Variants in FAM149A observed in about 807,000 individuals in gnomAD.
FAM149A encodes protein FAM149A.
FAM149A carries 71 observed loss-of-function variants against 78.2 expected under a neutral mutation model. The ratio of observed to expected loss-of-function variants is 0.91; its 90% CI spans 0.75 to 1.11. The LOEUF is 1.11. FAM149A is among the 50% of genes least tolerant of loss of function. The pLI, the probability that FAM149A is intolerant of heterozygous loss-of-function variation, is 0.00. For missense variants in FAM149A, 1,036 were observed against 971.0 expected, an observed-to-expected ratio of 1.07 and a Z score of -0.89; for synonymous variants, 446 against 410.5, an observed-to-expected ratio of 1.09 and a Z score of -1.04.
intron 1 of FAM149A, chr4:186,110,308 G>C: frequency 1.0e-6 from 1 of 982,698 alleles, no homozygotes; most frequent in Non-Finnish European, 1.2e-6. Context: ...TTTTTCCAAA[G>C]TTAGTAATGC....
Position 186,151,900 on chromosome 4 carries a change from T to G in FAM149A, c.790-3T>G, listed in dbSNP as rs777378064. On this transcript the variant is annotated splice_region_variant and splice_polypyrimidine_tract_variant and intron_variant, in intron 3 of 13. Transcript: ENST00000389354. The stretch of plus-strand genomic sequence containing the variant: ...TTGTAACCAAGTGTGCATTTCTGTT[T>G]AGGAATTTGACGAAGCCAGTTCACA... 1.9e-6 allele frequency: 3 copies of G among 1,613,888 alleles called. No individual in the cohort carries two copies. The highest frequency in any genetic ancestry group is 2.5e-6 in the Non-Finnish European group (3 of 1,179,842).
In FAM149A at chr4:186,117,829, G is replaced by C. The variant is rs1254796543; in HGVS notation, c.566+12187G>C. 6.8e-6 allele frequency: 6 copies of C among 887,116 alleles called. No individual in the cohort carries two copies. The East Asian group carries it at 4.8e-4, about 71-fold the overall frequency. 55.0% of individuals were successfully genotyped at this position (887,116 alleles called of 1,614,324 possible). A position where few individuals can be genotyped will look rare whatever the true frequency, so the allele number is the denominator to read the frequency against. On this transcript the variant is annotated intron_variant, in intron 1 of 13. Coordinates refer to ENST00000389354, the MANE Select transcript of FAM149A (RefSeq NM_001367768.3). ...AAACGCCTGAGAGGTATGGAGCCTA[G>C]GAATGAACACAGTGAAAAGAAAGAT...
rs150544331 is a variant in FAM149A at position 186,131,852 on chromosome 4, A to G, written c.567-17321A>G. The G allele has an allele frequency of 2.2e-4, 218 of 978,340 alleles. 1 individual carries two copies. The African/African-American group carries it at 3.4e-3, about 15-fold the overall frequency. 60.6% of individuals were successfully genotyped at this position (978,340 alleles called of 1,614,324 possible). A position where few individuals can be genotyped will look rare whatever the true frequency, so the allele number is the denominator to read the frequency against. ...AAAAAGTAAAAGTTACACTGCATTAAAATTAAGAACTTCTGTTAATCAAAA... is the reference window on the plus strand; with the variant it reads ...AAAAAGTAAAAGTTACACTGCATTAGAATTAAGAACTTCTGTTAATCAAAA... On this transcript the variant is annotated intron_variant, in intron 1 of 13. Transcript: ENST00000389354.
chr4:186,105,515 C>A lies in FAM149A; in HGVS notation c.439C>A (p.Pro147Thr). ...CGCGCTCCCCAGGAACCCGCTCCAG[C>A]CTGGCCCCGGAGAGCGAGAGCTCGG... The change falls in exon 1 of 14, where the codon CCT (proline) becomes ACT (threonine). Residue 147 changes from proline (P) to threonine (T), a missense_variant. This residue lies in a region of FAM149A where 316 missense variants were observed against 241.9 expected (regional missense o/e 1.31). Transcript: ENST00000389354. 8.6e-7 allele frequency: 1 copy of A among 1,164,330 alleles called. No homozygotes were observed. Among genetic ancestry groups the A allele is most frequent in the Non-Finnish European group, 1.1e-6 (1 of 936,488 alleles). 72.1% of individuals were successfully genotyped at this position (1,164,330 alleles called of 1,614,324 possible). A position where few individuals can be genotyped will look rare whatever the true frequency, so the allele number is the denominator to read the frequency against.
rs1424724480 is a variant in FAM149A, at chr4:186,162,921, G to T, written c.1652G>T (p.Arg551Ile). 2 of 1,607,622 alleles carry T rather than the reference G, an allele frequency of 1.2e-6. No homozygotes were observed. Among genetic ancestry groups the T allele is most frequent in the Non-Finnish European group, 1.7e-6 (2 of 1,176,546 alleles). The change falls in exon 9 of 14, where the codon AGA (arginine) becomes ATA (isoleucine). Residue 551 changes from arginine to isoleucine, a missense_variant. Coordinates refer to ENST00000389354, the MANE Select transcript of FAM149A (RefSeq NM_001367768.3). ...ATTCAAGCAAAACCGCTTCAGCGGA[G>T]ACCTGCCTATTTTGCTGACAGAACG...
At chr4:186,140,258 A>C (rs1410430443) in intron 1 of FAM149A, among the ~76,000 whole-genome samples, 1 of 152,090 alleles carries the variant, frequency 6.6e-6, no homozygotes. Context: ...TATATTACTA[A>C]TTAATTTTCA....
intron 1 of FAM149A, among the ~76,000 whole-genome samples, chr4:186,128,185 C>T (rs1421038108): frequency 6.6e-6 from 1 of 151,922 alleles, no homozygotes; most frequent in African/African-American, 2.4e-5. Flanking sequence ...GAGATGGCTT[C>T]ACCATGTTAG....
At chr4:186,166,567 C>T (rs1398309445) in intron 11 of FAM149A, among the ~76,000 whole-genome samples, 1 of 148,100 alleles carries the variant, frequency 6.8e-6, no homozygotes, top group African/African-American at 2.5e-5. Context: ...AGGAGAATCG[C>T]TTGAACCCTG....
At chr4:186,168,276 C>T (rs1735227210) in intron 13 of FAM149A, among the ~76,000 whole-genome samples, 1 of 152,188 alleles carries the variant, frequency 6.6e-6, no homozygotes, top group African/African-American at 2.4e-5. Flanking sequence ...TGTTCCTTAG[C>T]AGCATTAGCG....
Position 186,149,961 on chromosome 4 carries a change from C to T in FAM149A, c.789+257C>T, listed in dbSNP as rs143475841. Among the ~76,000 whole-genome samples the T allele has an allele frequency of 4.8e-3, 730 of 152,298 alleles. 5 individuals carry two copies. Among genetic ancestry groups the T allele is most frequent in the African/African-American group, 0.017 (697 of 41,552 alleles). ...TTTCTTGTTTCCACCCTGCAGCCGG[C>T]TCTCCGGGTGTGTGCTCCTTGTGAC... is the stretch of plus-strand genomic sequence containing the variant. On this transcript the variant is annotated intron_variant, in intron 3 of 13. Coordinates refer to ENST00000389354, the MANE Select transcript of FAM149A (RefSeq NM_001367768.3).
At position 186,154,591 on chromosome 4, in the gene FAM149A, T is replaced by C; in HGVS notation, c.1182T>C (p.His394=). 6.2e-7 allele frequency: 1 copy of C among 1,614,132 alleles called. No homozygotes were observed. The highest frequency in any genetic ancestry group is 8.5e-7 in the Non-Finnish European group (1 of 1,180,012). Reference sequence around the variant, plus strand: ...CATCCCTGGAAGAAGAGGTTTACCATGTGGATGGAAAGATTGAGGAGTATT... The same window carrying C: ...CATCCCTGGAAGAAGAGGTTTACCACGTGGATGGAAAGATTGAGGAGTATT... Residue 394 remains histidine (H), a synonymous_variant, in exon 6 of 14, where the codon CAT becomes CAC. Transcript: ENST00000389354.
intron 1 of FAM149A, among the ~76,000 whole-genome samples, chr4:186,113,835 AGGTGT>A (rs1318504308): frequency 6.6e-6 from 1 of 151,286 alleles, no homozygotes; most frequent in Non-Finnish European, 1.5e-5. Flanking sequence ...ATTTTGGAAT[AGGTGT>A]GGTGTGGTGC....
chr4:186,168,880 C>A (rs1735291871), intron 13 of FAM149A, among the ~76,000 whole-genome samples: 1 of 152,160 alleles, frequency 6.6e-6, no homozygotes, highest in South Asian at 2.1e-4. Flanking sequence ...CCACCTGGAT[C>A]CCCTGTCAGA....
Position 186,104,986 on chromosome 4 carries a change from G to A in FAM149A, c.-91G>A, listed in dbSNP as rs780749408. 55 of 1,218,110 alleles carry A rather than the reference G, an allele frequency of 4.5e-5. No homozygotes were observed. The highest frequency in any genetic ancestry group is 5.3e-5 in the Non-Finnish European group (51 of 958,084). 75.5% of individuals were successfully genotyped at this position (1,218,110 alleles called of 1,614,324 possible). A position where few individuals can be genotyped will look rare whatever the true frequency, so the allele number is the denominator to read the frequency against. ...CGGGGCTCCGGGTGCGGGGACCTCA[G>A]GCTCCTCGCCCCGGCCCGGGCCGCC... On this transcript the variant is annotated 5_prime_UTR_variant, in exon 1 of 14. Coordinates refer to ENST00000389354, the MANE Select transcript of FAM149A (RefSeq NM_001367768.3).
In FAM149A at chr4:186,144,745, G is replaced by A; in HGVS notation, c.567-4428G>A. 4.5e-6 allele frequency: 4 copies of A among 884,192 alleles called. No individual in the cohort carries two copies. Among genetic ancestry groups the A allele is most frequent in the Non-Finnish European group, 5.4e-6 (4 of 740,478 alleles). 54.8% of individuals were successfully genotyped at this position (884,192 alleles called of 1,614,324 possible). A position where few individuals can be genotyped will look rare whatever the true frequency, so the allele number is the denominator to read the frequency against. On this transcript the variant is annotated intron_variant, in intron 1 of 13. Coordinates refer to ENST00000389354, the MANE Select transcript of FAM149A (RefSeq NM_001367768.3). The surrounding 1 kb of genome is among the most constrained non-coding windows in gnomAD (Gnocchi z 4.2). Reference sequence around the variant, plus strand: ...GCGCGGGGCCGGGGCCGGGGCCGGGGCCCGGAGCGGGGATGGGCGGGCGCA... The same window carrying A: ...GCGCGGGGCCGGGGCCGGGGCCGGGACCCGGAGCGGGGATGGGCGGGCGCA...
intron 1 of FAM149A, chr4:186,146,987 C>T (rs545819531): frequency 2.0e-4 from 195 of 985,156 alleles, no homozygotes; most frequent in Middle Eastern, 1.0e-3. Flanking sequence ...AAGGTCACAA[C>T]AAAAAGTTAA....
At position 186,128,274 on chromosome 4, in the gene FAM149A, TC is replaced by T. The variant is rs1469523757; in HGVS notation, c.567-20898del. Among the ~76,000 whole-genome samples, 21 of 152,088 alleles carry T rather than the reference TC, an allele frequency of 1.4e-4. 1 individual carries two copies. In the East Asian group the frequency reaches 3.9e-3, roughly 28 times the overall value. ...AAAATTCTGAGATTACCGGCATGAG[TC>T]ACTGCGCCTGGCCAATATTCTGTTT... On this transcript the variant is annotated intron_variant, in intron 1 of 13. Transcript: ENST00000389354.
chr4:186,150,592 T>G (rs1369073731), intron 3 of FAM149A, among the ~76,000 whole-genome samples: 7 of 90,266 alleles, frequency 7.8e-5, no homozygotes, highest in Admixed American at 4.8e-4. Flanking sequence ...GCTAATTTTT[T>G]GTATTTTTAA....
intron 7 of FAM149A, 87 bp downstream of exon 7, chr4:186,156,277 T>A: frequency 9.3e-7 from 1 of 1,079,636 alleles, no homozygotes; most frequent in Non-Finnish European, 1.4e-6. Flanking sequence ...TGGCCAGACC[T>A]AGAACGTGAC....
Sources: gnomAD v4.1 joint callset for allele counts (sites outside exome capture counted in the v4.1 genomes callset) on GRCh38, gnomAD v4.1.1 for gene constraint, gnomAD v4.1.1 regional missense constraint, Gnocchi (gnomAD v3.1) non-coding constraint, MANE v1.5 for transcripts, NCBI Gene and HGNC (gene_info 2026-07-23, HGNC 2026-07-21) for gene names.